RHOBTB3: variants seen among roughly 807,000 people sequenced by gnomAD.
The protein encoded by RHOBTB3 is rho-related BTB domain-containing protein 3.
A neutral mutation model predicts 67.2 loss-of-function variants in RHOBTB3; 47 were observed. The ratio of observed to expected loss-of-function variants is 0.70; its 90% confidence interval spans 0.55 to 0.89. The LOEUF is 0.89. Ranked by LOEUF, RHOBTB3 falls within the 40% of genes least tolerant of loss-of-function variation. The pLI, the probability that RHOBTB3 is intolerant of heterozygous loss-of-function variation, is 0.00. For synonymous variants in RHOBTB3, 273 were observed against 274.2 expected, an observed-to-expected ratio of 1.00 and a Z score of 0.04; for missense variants, 631 against 750.0, an observed-to-expected ratio of 0.84 and a Z score of 1.85.
chr5:95,760,773 C>T (rs1745372844), intron 6 of RHOBTB3, among the ~76,000 whole-genome samples: 1 of 152,132 alleles, frequency 6.6e-6, no homozygotes, highest in East Asian at 1.9e-4. Context: ...TGCTGTATGA[C>T]ATTGTGCCTA....
intron 6 of RHOBTB3, among the ~76,000 whole-genome samples, chr5:95,762,412 A>T (rs532986328): frequency 6.6e-6 from 1 of 152,316 alleles, no homozygotes; most frequent in Admixed American, 6.5e-5. Flanking sequence ...TGCCTGCCTC[A>T]TTCCCCAATA....
chr5:95,785,373 C>T (rs564821936), intron 10 of RHOBTB3, among the ~76,000 whole-genome samples: 23 of 152,252 alleles, frequency 1.5e-4, no homozygotes, highest in Non-Finnish European at 2.2e-4. Flanking sequence ...TGGCGGATCA[C>T]GAGGTCAGGA....
At chr5:95,791,202 G>A (rs1481439149) in intron 11 of RHOBTB3, among the ~76,000 whole-genome samples, 1 of 152,096 alleles carries the variant, frequency 6.6e-6, no homozygotes, top group Non-Finnish European at 1.5e-5. Context: ...TTTTAGAGGT[G>A]TTTAGAAATC....
rs367801787 is a variant in RHOBTB3 at position 95,737,038 on chromosome 5, T to G, written c.378T>G (p.Val126=). ...IPVIKRALNS[V]PVIIAAVGTR... ...TGATAAAAAGAGCATTAAATTCAGT[T>G]CCAGTAATTATTGCTGCTGTTGGTA... The change falls in exon 3 of 12, where the codon GTT becomes GTG. Residue 126 remains valine (V), a synonymous_variant. Coordinates refer to ENST00000379982, the MANE Select transcript of RHOBTB3 (RefSeq NM_014899.4). The G allele has an allele frequency of 2.7e-5, 43 of 1,602,906 alleles. No individual in the cohort carries two copies. In the African/African-American group the frequency reaches 4.8e-4, roughly 18 times the overall value.
upstream of RHOBTB3, among the ~76,000 whole-genome samples, chr5:95,729,944 T>A (rs1462603675): frequency 6.6e-5 from 10 of 152,220 alleles, no homozygotes; most frequent in Non-Finnish European, 8.8e-5. Flanking sequence ...GACTTATGGG[T>A]TTCCGGAAAA....
At chr5:95,734,989 A>T (rs1017345477) in intron 2 of RHOBTB3, among the ~76,000 whole-genome samples, 2 of 152,220 alleles carry the variant, frequency 1.3e-5, no homozygotes, top group African/African-American at 2.4e-5. Flanking sequence ...ATGGCTGCTT[A>T]ATATTGGCCC....
rs1294225556 is a variant in RHOBTB3, at chr5:95,737,040, C to T, written c.380C>T (p.Pro127Leu). ...ATAAAAAGAGCATTAAATTCAGTTCCAGTAATTATTGCTGCTGTTGGTACC... is the reference window on the plus strand; with the variant it reads ...ATAAAAAGAGCATTAAATTCAGTTCTAGTAATTATTGCTGCTGTTGGTACC... ...PVIKRALNSV[P>L]VIIAAVGTRQ... The change falls in exon 3 of 12, where the codon CCA (proline) becomes CTA (leucine). Residue 127 changes from proline to leucine, a missense_variant. Transcript: ENST00000379982. 6.2e-7 allele frequency: 1 copy of T among 1,601,420 alleles called. No homozygotes were observed. The highest frequency in any genetic ancestry group is 1.1e-5 in the South Asian group (1 of 90,334).
At chr5:95,772,346 T>C (rs1479925916) in intron 8 of RHOBTB3, among the ~76,000 whole-genome samples, 2 of 152,232 alleles carry the variant, frequency 1.3e-5, no homozygotes, top group African/African-American at 4.8e-5. Context: ...CTGATCTTCC[T>C]GGATGTTCTA....
At chr5:95,792,425 A>T (rs577875683) in intron 11 of RHOBTB3, among the ~76,000 whole-genome samples, 2 of 151,204 alleles carry the variant, frequency 1.3e-5, no homozygotes, top group South Asian at 4.2e-4. Flanking sequence ...AAAGAAAAGA[A>T]AAGAAAACTA....
intron 2 of RHOBTB3, among the ~76,000 whole-genome samples, chr5:95,736,674 A>G (rs1755461340): frequency 6.6e-6 from 1 of 152,246 alleles, no homozygotes; most frequent in African/African-American, 2.4e-5. Context: ...AAGAATTCTC[A>G]GGTTCTCCTG....
intron 7 of RHOBTB3, among the ~76,000 whole-genome samples, chr5:95,766,858 T>C (rs992588509): frequency 1.3e-5 from 2 of 152,110 alleles, no homozygotes; most frequent in Non-Finnish European, 2.9e-5. Context: ...GGAAACTCTT[T>C]ATAGGTTCTA....
In RHOBTB3 at chr5:95,731,519, C is replaced by T; in HGVS notation, c.-164C>T. The T allele has an allele frequency of 2.4e-6, 3 of 1,262,514 alleles. No homozygotes were observed. Among genetic ancestry groups the T allele is most frequent in the Non-Finnish European group, 3.0e-6 (3 of 1,008,208 alleles). The allele number at this position is 1,262,514 out of a possible 1,614,324, so 78.2% of individuals were successfully genotyped here. The stretch of plus-strand genomic sequence containing the variant: ...TCCCCGGCTCGCTCGCTGGCTGGCG[C>T]GGCCCCGGCCCCGCTCTGCGTCGGC... On this transcript the variant is annotated 5_prime_UTR_variant, in exon 1 of 12. Coordinates refer to ENST00000379982, the MANE Select transcript of RHOBTB3 (RefSeq NM_014899.4).
intron 1 of RHOBTB3, among the ~76,000 whole-genome samples, chr5:95,721,174 T>G (rs1219172393): frequency 6.6e-6 from 1 of 152,212 alleles, no homozygotes; most frequent in Non-Finnish European, 1.5e-5. Context: ...GCAGCCTGAA[T>G]GAGATTTTAG....
intron 3 of RHOBTB3, 65 bp from the exon 4 acceptor site, chr5:95,748,268 T>C: frequency 1.6e-6 from 2 of 1,241,694 alleles, no homozygotes; most frequent in Non-Finnish European, 2.2e-6. Context: ...ATGTTCAGAT[T>C]GTCTGTGTAC....
chr5:95,719,991 A>G (rs1754819689), intron 1 of RHOBTB3, among the ~76,000 whole-genome samples: 2 of 152,222 alleles, frequency 1.3e-5, no homozygotes, highest in Non-Finnish European at 2.9e-5. Context: ...TGGGCTTCCC[A>G]TGTAGACTTT....
chr5:95,752,472 C>T (rs1290049936), intron 5 of RHOBTB3, 122 bp downstream of exon 5: 3 of 722,466 alleles, frequency 4.2e-6, no homozygotes, highest in Admixed American at 6.0e-5. Context: ...CATTCTGATT[C>T]AGTCAACCTG....
At chr5:95,759,298 C>T (rs1745333033) in intron 6 of RHOBTB3, among the ~76,000 whole-genome samples, 3 of 152,180 alleles carry the variant, frequency 2.0e-5, no homozygotes, top group African/African-American at 7.2e-5. Context: ...CCCGGGGCTG[C>T]AGAGATCCAG....
intron 6 of RHOBTB3, among the ~76,000 whole-genome samples, chr5:95,760,130 A>G (rs978098063): frequency 1.4e-4 from 22 of 152,182 alleles, no homozygotes; most frequent in Admixed American, 2.6e-4. Flanking sequence ...ATCTATTCCT[A>G]TTCAAATTTT....
At chr5:95,788,025 C>CACA in intron 10 of RHOBTB3, among the ~76,000 whole-genome samples, 1 of 152,058 alleles carries the variant, frequency 6.6e-6, no homozygotes, top group East Asian at 1.9e-4. Flanking sequence ...CATATTGTAC[C>CACA]ACAATAATAA....
Sources: allele counts gnomAD v4.1 joint callset (sites outside exome capture counted in the v4.1 genomes callset), GRCh38; gene constraint gnomAD v4.1.1; transcripts MANE v1.5; gene names NCBI Gene and HGNC (gene_info 2026-07-23, HGNC 2026-07-21).